The following HHLA2 variants were observed in gnomAD, a reference collection of about 807,000 sequenced individuals.
HHLA2 encodes HHLA2 member of B7 family, also known as HERV-H LTR-associating protein 2.
HHLA2 carries 48 observed loss-of-function variants against 45.9 expected under a neutral mutation model. That is an observed-to-expected ratio of 1.05 (90% CI 0.83 to 1.33). HHLA2 has a LOEUF of 1.33. Ranked by LOEUF, HHLA2 falls within the 40% of genes most tolerant of loss-of-function variation. The pLI, the probability that HHLA2 is intolerant of heterozygous loss-of-function variation, is 0.00. For missense variants in HHLA2, 462 were observed against 494.3 expected, an observed-to-expected ratio of 0.93 and a Z score of 0.62; for synonymous variants, 161 against 173.9, an observed-to-expected ratio of 0.93 and a Z score of 0.59.
At chr3:108,315,691 C>T (rs1327334972) in intron 2 of HHLA2, among the ~76,000 whole-genome samples, 2 of 152,170 alleles carry the variant, frequency 1.3e-5, no homozygotes, top group Non-Finnish European at 2.9e-5. Flanking sequence ...GCTGGCTTCT[C>T]TTGGTATTTT....
intron 2 of HHLA2, among the ~76,000 whole-genome samples, chr3:108,324,302 T>C (rs2081252273): frequency 6.6e-6 from 1 of 152,204 alleles, no homozygotes; most frequent in African/African-American, 2.4e-5. Context: ...ATATGTAAGC[T>C]TTTTTCATAT....
chr3:108,353,377 C>A (rs1272750905), intron 4 of HHLA2, 50 bp from the exon 4 acceptor site: 2 of 1,226,452 alleles, frequency 1.6e-6, no homozygotes, highest in South Asian at 2.9e-5. Context: ...TAATCCTGAA[C>A]AAGCACATGG....
In HHLA2 at chr3:108,341,624, C is replaced by T. The variant is rs565818034; in HGVS notation, c.-26-10164C>T. Among the ~76,000 whole-genome samples the T allele has an allele frequency of 1.4e-3, 207 of 152,166 alleles. 1 individual carries two copies. The highest frequency in any genetic ancestry group is 3.1e-3 in the Admixed American group (48 of 15,286). On this transcript the variant is annotated intron_variant, in intron 3 of 10. Transcript: ENST00000619531. Reference sequence around the variant, plus strand: ...TTAAACAAACAAAAAAAAACAGAGCCCAGTTCTTGTGTCAGTAGCTCTTCA... The same window carrying T: ...TTAAACAAACAAAAAAAAACAGAGCTCAGTTCTTGTGTCAGTAGCTCTTCA...
chr3:108,374,028 C>T (rs1489772763), intron 8 of HHLA2, among the ~76,000 whole-genome samples: 4 of 150,634 alleles, frequency 2.7e-5, no homozygotes, highest in Admixed American at 1.3e-4. Context: ...CAAGTCAATC[C>T]TAAGCCAAAA....
At chr3:108,369,956 A>G (rs1237727193) in intron 8 of HHLA2, among the ~76,000 whole-genome samples, 1 of 152,234 alleles carries the variant, frequency 6.6e-6, no homozygotes, top group Non-Finnish European at 1.5e-5. Context: ...ACAGCTTTGA[A>G]GAGAGTAGTA....
chr3:108,338,709 C>T (rs185476634), intron 3 of HHLA2, among the ~76,000 whole-genome samples: 5 of 152,272 alleles, frequency 3.3e-5, no homozygotes, highest in African/African-American at 1.2e-4. Flanking sequence ...CCCCTCCCAC[C>T]TTGGACAGGT....
chr3:108,352,816 CAGGATATCCTG>C (rs781720438), intron 4 of HHLA2, among the ~76,000 whole-genome samples: 4 of 152,194 alleles, frequency 2.6e-5, no homozygotes, highest in Non-Finnish European at 4.4e-5. Context: ...TTGACCAACT[CAGGATATCCTG>C]AGAGCAGTCT....
intron 1 of HHLA2, among the ~76,000 whole-genome samples, chr3:108,302,956 T>A (rs1351429892): frequency 6.6e-6 from 1 of 152,214 alleles, no homozygotes; most frequent in Non-Finnish European, 1.5e-5. Flanking sequence ...TTGTCTTTTG[T>A]GGAGAAGTCA....
chr3:108,307,962 A>C (rs1038785240), intron 1 of HHLA2, among the ~76,000 whole-genome samples: 1 of 152,186 alleles, frequency 6.6e-6, no homozygotes, highest in Admixed American at 6.5e-5. Context: ...TAAGGACATC[A>C]TGGAGAATGG....
chr3:108,340,895 CTT>C (rs201959417), intron 3 of HHLA2, among the ~76,000 whole-genome samples: 3 of 60,736 alleles, frequency 4.9e-5, no homozygotes, highest in African/African-American at 8.4e-5. Flanking sequence ...AAACTCTTTT[CTT>C]TTTTTTTTTT....
chr3:108,315,687 T>C (rs547126118), intron 2 of HHLA2, among the ~76,000 whole-genome samples: 1 of 152,204 alleles, frequency 6.6e-6, no homozygotes, highest in South Asian at 2.1e-4. Flanking sequence ...GGCAGCTGGC[T>C]TCTCTTGGTA....
chr3:108,319,786 T>C (rs903436201), intron 2 of HHLA2, among the ~76,000 whole-genome samples: 11 of 152,340 alleles, frequency 7.2e-5, no homozygotes, highest in Admixed American at 4.6e-4. Flanking sequence ...GCAAACCCGA[T>C]ACTGATGGAG....
Position 108,330,079 on chromosome 3 carries a change from G to A in HHLA2, c.-27+1732G>A, listed in dbSNP as rs567802585. Among the ~76,000 whole-genome samples the A allele has an allele frequency of 9.2e-5, 14 of 152,234 alleles. No individual in the cohort carries two copies. The South Asian group carries it at 2.1e-3, about 23-fold the overall frequency. ...GTGCCTTGCCATATGGGCTCTCTGT[G>A]GGGCCATTCACACAGCACAGCAGCT... On this transcript the variant is annotated intron_variant, in intron 3 of 10. Transcript: ENST00000619531.
At chr3:108,356,607 G>GA (rs2081898180) in intron 6 of HHLA2, among the ~76,000 whole-genome samples, 1 of 152,274 alleles carries the variant, frequency 6.6e-6, no homozygotes, top group East Asian at 1.9e-4. Context: ...ATTGCCTTTG[G>GA]AAAATCCTAA....
intron 1 of HHLA2, among the ~76,000 whole-genome samples, chr3:108,301,660 G>A (rs778197229): frequency 6.6e-6 from 1 of 152,026 alleles, no homozygotes; most frequent in Non-Finnish European, 1.5e-5. Context: ...AGTTGAGGGT[G>A]GCCCGTGGTA....
chr3:108,357,408 T>G (rs2081912514), intron 6 of HHLA2, among the ~76,000 whole-genome samples: 1 of 152,074 alleles, frequency 6.6e-6, no homozygotes, highest in African/African-American at 2.4e-5. Context: ...AAAAAGAGAT[T>G]AAGAAGTAGT....
chr3:108,365,725 A>C (rs538437757), intron 8 of HHLA2, among the ~76,000 whole-genome samples: 1 of 151,870 alleles, frequency 6.6e-6, no homozygotes, highest in South Asian at 2.1e-4. Context: ...ATTCCTAGGT[A>C]TTTTATCTTC....
intron 6 of HHLA2, among the ~76,000 whole-genome samples, chr3:108,355,753 A>G (rs2081878108): frequency 6.6e-6 from 1 of 152,248 alleles, no homozygotes; most frequent in Non-Finnish European, 1.5e-5. Flanking sequence ...AAAAGATCAA[A>G]GGAGAAAGAA....
chr3:108,307,877 T>C (rs549010383), intron 1 of HHLA2, among the ~76,000 whole-genome samples: 3 of 152,288 alleles, frequency 2.0e-5, no homozygotes, highest in Admixed American at 2.0e-4. Context: ...TCAATTTTAA[T>C]TTTTGTGGGT....
Sources: gnomAD v4.1 joint callset for allele counts (sites outside exome capture counted in the v4.1 genomes callset) on GRCh38, gnomAD v4.1.1 for gene constraint, MANE v1.5 for transcripts, NCBI Gene and HGNC (gene_info 2026-07-23, HGNC 2026-07-21) for gene names.